The following CALN1 variants were observed in gnomAD, a reference collection of about 807,000 sequenced individuals.
The protein encoded by CALN1 is calcium-binding protein 8.
In CALN1, 17 loss-of-function variants were observed where a neutral mutation model predicts 30.6. That is an observed-to-expected ratio of 0.56 (90% CI 0.38 to 0.83). The LOEUF (loss-of-function observed/expected upper bound fraction) is 0.83, where lower values mean the gene tolerates loss of function less well. CALN1 is among the 40% of genes least tolerant of loss of function. CALN1 has a pLI of 0.00. For synonymous variants in CALN1, 156 were observed against 131.4 expected, an observed-to-expected ratio of 1.19 and a Z score of -1.28; for missense variants, 291 against 354.9, an observed-to-expected ratio of 0.82 and a Z score of 1.45.
chr7:72,057,361 A>T (rs1400223567), intron 4 of CALN1, among the ~76,000 whole-genome samples: 1 of 151,240 alleles, frequency 6.6e-6, no homozygotes. Flanking sequence ...GCATTTAGAT[A>T]AAAAGTTCCT....
intron 3 of CALN1, among the ~76,000 whole-genome samples, chr7:72,195,518 G>A (rs1790923743): frequency 6.6e-6 from 1 of 152,232 alleles, no homozygotes; most frequent in South Asian, 2.1e-4. Flanking sequence ...TGGGACTATA[G>A]GCAGGTACTA....
intron 5 of CALN1, among the ~76,000 whole-genome samples, chr7:71,844,891 A>C (rs1381532560): frequency 6.6e-6 from 1 of 151,956 alleles, no homozygotes; most frequent in Non-Finnish European, 1.5e-5. Context: ...TATTTTTTTC[A>C]ATTTTTTACA....
chr7:72,021,820 T>G (rs1562983672), intron 5 of CALN1, among the ~76,000 whole-genome samples: 1 of 152,106 alleles, frequency 6.6e-6, no homozygotes, highest in Non-Finnish European at 1.5e-5. Flanking sequence ...TGCATAGACT[T>G]CCTCCCTTTA....
At chr7:72,122,013 C>T (rs1033405436) in intron 3 of CALN1, among the ~76,000 whole-genome samples, 10 of 151,614 alleles carry the variant, frequency 6.6e-5, no homozygotes, top group Non-Finnish European at 1.3e-4. Context: ...AGAAGCCTGG[C>T]ACCCCCTCCA....
chr7:72,082,335 G>A (rs1004495641), intron 4 of CALN1, among the ~76,000 whole-genome samples: 28 of 152,128 alleles, frequency 1.8e-4, no homozygotes, highest in Non-Finnish European at 2.1e-4. Flanking sequence ...CCAAAATGCC[G>A]CAGCGGAACA....
At chr7:72,284,424 A>T (rs527301805) in intron 2 of CALN1, among the ~76,000 whole-genome samples, 14 of 152,216 alleles carry the variant, frequency 9.2e-5, no homozygotes, top group Non-Finnish European at 2.1e-4. Context: ...TTGGTTGAAC[A>T]TTATTCTCTG....
At chr7:72,066,507 G>T (rs374186324) in intron 4 of CALN1, among the ~76,000 whole-genome samples, 13 of 147,928 alleles carry the variant, frequency 8.8e-5, no homozygotes, top group African/African-American at 1.7e-4. Context: ...TTTTTTTTTT[G>T]ATAAAAGTGA....
At chr7:72,135,636 CT>C (rs1203232561) in intron 3 of CALN1, among the ~76,000 whole-genome samples, 1 of 152,110 alleles carries the variant, frequency 6.6e-6, no homozygotes, top group Non-Finnish European at 1.5e-5. Context: ...TGTTTCATGT[CT>C]AGAGCATAGG....
At chr7:71,927,045 G>A in intron 5 of CALN1, among the ~76,000 whole-genome samples, 1 of 152,110 alleles carries the variant, frequency 6.6e-6, no homozygotes, top group Non-Finnish European at 1.5e-5. Context: ...TATTTGTCTT[G>A]TAACTTTTTA....
chr7:71,875,160 CAAAAAAAAAA>C (rs3063970), intron 5 of CALN1, among the ~76,000 whole-genome samples: 2 of 68,726 alleles, frequency 2.9e-5, no homozygotes, highest in African/African-American at 5.4e-5. Context: ...GACTCTGTCT[CAAAAAAAAAA>C]AAAAAAAAAA....
At chr7:72,115,109 A>T (rs1396015882) in intron 3 of CALN1, among the ~76,000 whole-genome samples, 1 of 148,086 alleles carries the variant, frequency 6.8e-6, no homozygotes, top group Non-Finnish European at 1.5e-5. Flanking sequence ...TATATAGTAT[A>T]ATATATATAG....
chr7:72,168,807 T>TATTATTA (rs1554463088), intron 3 of CALN1, among the ~76,000 whole-genome samples: 4 of 130,234 alleles, frequency 3.1e-5, no homozygotes, highest in African/African-American at 1.2e-4. Flanking sequence ...TTATTATTAT[T>TATTATTA]TTTTTTTTTT....
chr7:72,027,722 A>AACAAACACAC (rs1554415361), intron 4 of CALN1, among the ~76,000 whole-genome samples: 7 of 93,664 alleles, frequency 7.5e-5, no homozygotes, highest in Non-Finnish European at 1.3e-4. Flanking sequence ...AAAACAAACA[A>AACAAACACAC]ACAAACACAC....
intron 4 of CALN1, among the ~76,000 whole-genome samples, chr7:72,044,360 C>A (rs1443798892): frequency 2.6e-5 from 4 of 151,638 alleles, no homozygotes; most frequent in South Asian, 2.1e-4. Context: ...CAAGCCACCT[C>A]ACCCCTGTCT....
chr7:71,876,100 A>T (rs1465994682), intron 5 of CALN1, among the ~76,000 whole-genome samples: 1 of 152,224 alleles, frequency 6.6e-6, no homozygotes, highest in Non-Finnish European at 1.5e-5. Context: ...GAAAGAAAAA[A>T]AAATAGCCTT....
chr7:72,265,037 GTC>G (rs1796517057), intron 3 of CALN1, among the ~76,000 whole-genome samples: 1 of 152,142 alleles, frequency 6.6e-6, no homozygotes, highest in Admixed American at 6.5e-5. Flanking sequence ...ACAGGGTTTT[GTC>G]TCGAACTTCT....
At chr7:72,062,899 AT>A (rs1184405585) in intron 4 of CALN1, among the ~76,000 whole-genome samples, 1 of 152,154 alleles carries the variant, frequency 6.6e-6, no homozygotes, top group African/African-American at 2.4e-5. Context: ...CATTTAAAGA[AT>A]TTTTTTCTTT....
At chr7:72,239,156 G>A in intron 3 of CALN1, among the ~76,000 whole-genome samples, 1 of 152,128 alleles carries the variant, frequency 6.6e-6, no homozygotes, top group East Asian at 1.9e-4. Context: ...CAACAATTTG[G>A]GAGGCCAAGA....
chr7:72,149,806 G>C (rs1368304824), intron 3 of CALN1, among the ~76,000 whole-genome samples: 2 of 151,982 alleles, frequency 1.3e-5, no homozygotes, highest in African/African-American at 4.8e-5. Context: ...TCACTAACAG[G>C]CACTGCTATA....
Sources: gnomAD v4.1 joint callset for allele counts (sites outside exome capture counted in the v4.1 genomes callset) on GRCh38, gnomAD v4.1.1 for gene constraint, MANE v1.5 for transcripts, NCBI Gene and HGNC (gene_info 2026-07-23, HGNC 2026-07-21) for gene names.